The following ZNF585A variants were observed in gnomAD, a reference collection of about 807,000 sequenced individuals.
ZNF585A encodes the protein zinc finger protein 585A.
ZNF585A carries 9 observed loss-of-function variants against 14.9 expected under a neutral mutation model. That is an observed-to-expected ratio of 0.60 (90% CI 0.36 to 1.05). The LOEUF is 1.05. ZNF585A is among the 50% of genes least tolerant of loss of function. ZNF585A has a pLI of 0.01. For synonymous variants in ZNF585A, 276 were observed against 319.9 expected (o/e 0.86, Z 1.46); for missense variants, 726 against 926.4 (o/e 0.78, Z 2.81).
chr19:37,171,706 G>A (rs554218960), intron 1 of ZNF585A, among the ~76,000 whole-genome samples: 1 of 152,198 alleles, frequency 6.6e-6, no homozygotes, highest in South Asian at 2.1e-4. Context: ...TTTGAGACCA[G>A]CCTGGCCAAC....
rs1053288169 is a variant in ZNF585A, at chr19:37,153,545, A to G, written c.354T>C (p.Ser118=). The G allele has an allele frequency of 6.2e-7, 1 of 1,614,040 alleles. No individual in the cohort carries two copies. Reference sequence around the variant, plus strand: ...CCCCAGGATACATTTTTTGAGGTTGAGAGGATACTTGTTTATAACTGAGGA... The same window carrying G: ...CCCCAGGATACATTTTTTGAGGTTGGGAGGATACTTGTTTATAACTGAGGA... ...RKILSYKQVS[S]QPQKMYPGEK... is the part of the protein sequence containing the mutation. Residue 118 remains serine, a synonymous_variant, in exon 5 of 5, where the codon TCT becomes TCC. Coordinates refer to ENST00000292841, the MANE Select transcript of ZNF585A (RefSeq NM_001288800.2).
At chr19:37,163,074 C>A (rs1311477831) in intron 2 of ZNF585A, among the ~76,000 whole-genome samples, 3 of 151,938 alleles carry the variant, frequency 2.0e-5, no homozygotes, top group Non-Finnish European at 2.9e-5. Context: ...CACACTGAAC[C>A]CCCAGCCCCC....
Position 37,152,243 on chromosome 19 carries a change from G to A in ZNF585A, c.1656C>T (p.Cys552=). 6.2e-7 allele frequency: 1 copy of A among 1,613,908 alleles called. No individual in the cohort carries two copies. The highest frequency in any genetic ancestry group is 8.5e-7 in the Non-Finnish European group (1 of 1,179,962). ...KIHTGERQYE[C]HECGKAFNQK... is the part of the protein sequence containing the mutation. ...GGTTGAAGGCTTTCCCACATTCGTG[G>A]CATTCATACTGTCTCTCTCCAGTGT... Residue 552 remains cysteine (C), a synonymous_variant, in exon 5 of 5, where the codon TGC becomes TGT. Transcript: ENST00000292841.
rs983820894 is a variant in ZNF585A, at chr19:37,149,961, T to C, written c.*1628A>G. On this transcript the variant is annotated 3_prime_UTR_variant, in exon 5 of 5. Transcript: ENST00000292841. Reference sequence around the variant, plus strand: ...GAACCGCATGAAGCAATGTGGGAAATTGGGAATCAGCAGACATTGGGTTAA... The same window carrying C: ...GAACCGCATGAAGCAATGTGGGAAACTGGGAATCAGCAGACATTGGGTTAA... The C allele has an allele frequency of 2.0e-5, 3 of 151,982 alleles. No individual in the cohort carries two copies. Among genetic ancestry groups the C allele is most frequent in the East Asian group, 1.9e-4 (1 of 5,164 alleles). 9.4% of individuals were successfully genotyped at this position (151,982 alleles called of 1,614,324 possible). A position where few individuals can be genotyped will look rare whatever the true frequency, so the allele number is the denominator to read the frequency against.
rs759823202 is a variant in ZNF585A at position 37,156,369 on chromosome 19, T to C, written c.73-14A>G. On this transcript the variant is annotated splice_polypyrimidine_tract_variant and intron_variant, in intron 2 of 4. Transcript: ENST00000292841. ...GGACACTGATCCCTGTAAGGGCAAA[T>C]TCTTGTTCAATGTGCACAGTCAGCT... The C allele has an allele frequency of 2.5e-6, 4 of 1,613,972 alleles. No individual in the cohort carries two copies. The African/African-American group carries it at 5.3e-5, about 22-fold the overall frequency.
intron 2 of ZNF585A, among the ~76,000 whole-genome samples, chr19:37,166,642 C>T (rs1320266785): frequency 6.6e-6 from 1 of 152,026 alleles, no homozygotes; most frequent in African/African-American, 2.4e-5. Flanking sequence ...GATATTTACT[C>T]CATTTTTTGA....
At position 37,149,906 on chromosome 19, in the gene ZNF585A, G is replaced by A. The variant is rs1971797738; in HGVS notation, c.*1683C>T. 1 of 152,180 alleles carries A rather than the reference G, an allele frequency of 6.6e-6. No individual in the cohort carries two copies. Among genetic ancestry groups the A allele is most frequent in the African/African-American group, 2.4e-5 (1 of 41,414 alleles). 9.4% of individuals were successfully genotyped at this position (152,180 alleles called of 1,614,324 possible). A position where few individuals can be genotyped will look rare whatever the true frequency, so the allele number is the denominator to read the frequency against. The stretch of plus-strand genomic sequence containing the variant: ...ATGCAAACATGGAGATGCAATCTTG[G>A]GGGAAGTACAGTAGCCAAGGGTGAC... On this transcript the variant is annotated 3_prime_UTR_variant, in exon 5 of 5. Transcript: ENST00000292841.
At chr19:37,161,539 T>A (rs1302346008) in intron 2 of ZNF585A, among the ~76,000 whole-genome samples, 1 of 152,124 alleles carries the variant, frequency 6.6e-6, no homozygotes, top group Non-Finnish European at 1.5e-5. Flanking sequence ...CACAGATACA[T>A]GAATTTTTTT....
At chr19:37,156,621 T>C (rs889378236) in intron 2 of ZNF585A, among the ~76,000 whole-genome samples, 1 of 152,206 alleles carries the variant, frequency 6.6e-6, no homozygotes, top group Non-Finnish European at 1.5e-5. Context: ...GCCATTCTTT[T>C]ATCTATCCAT....
chr19:37,161,308 G>A (rs1349878502), intron 2 of ZNF585A, among the ~76,000 whole-genome samples: 2 of 152,074 alleles, frequency 1.3e-5, no homozygotes, highest in African/African-American at 4.8e-5. Flanking sequence ...GAATTTATGG[G>A]GGAACTCTTT....
intron 2 of ZNF585A, among the ~76,000 whole-genome samples, chr19:37,158,043 A>G (rs1360220629): frequency 6.6e-6 from 1 of 151,922 alleles, no homozygotes; most frequent in Non-Finnish European, 1.5e-5. Context: ...GCACGCCACC[A>G]CACCAGGCTA....
chr19:37,165,606 TTTC>T (rs1972080279), intron 2 of ZNF585A: 1 of 982,652 alleles, frequency 1.0e-6, no homozygotes, highest in Non-Finnish European at 1.2e-6. Context: ...AGGCTATTGT[TTTC>T]TTCTACTCTT....
chr19:37,159,312 C>T (rs957372992), intron 2 of ZNF585A, among the ~76,000 whole-genome samples: 7 of 149,690 alleles, frequency 4.7e-5, no homozygotes, highest in East Asian at 1.9e-4. Context: ...CAGGGACAAT[C>T]GGTGAAAGGG....
rs1409959408 is a variant in ZNF585A at position 37,155,910 on chromosome 19, C to T, written c.247G>A (p.Glu83Lys). The T allele has an allele frequency of 6.2e-7, 1 of 1,612,652 alleles. No homozygotes were observed. The highest frequency in any genetic ancestry group is 8.5e-7 in the Non-Finnish European group (1 of 1,180,020). ...CTCTCACCCTGCAGTGCCCATGGTTCCTTTCCTTGCTCCAACATGACCACC... is the reference window on the plus strand; with the variant it reads ...CTCTCACCCTGCAGTGCCCATGGTTTCTTTCCTTGCTCCAACATGACCACC... ...AEVVMLEQGK[E>K]PWALQGERPR... is the part of the protein sequence containing the mutation. The change falls in exon 4 of 5, where the codon GAA becomes AAA. Residue 83 changes from glutamate (E) to lysine (K), a missense_variant. Glu to Lys is a moderately conservative substitution (Grantham distance 56). This residue lies in a region of ZNF585A where 483 missense variants were observed against 542.8 expected (regional missense o/e 0.89). Coordinates refer to ENST00000292841, the MANE Select transcript of ZNF585A (RefSeq NM_001288800.2).
chr19:37,160,977 C>A (rs934664837), intron 2 of ZNF585A, among the ~76,000 whole-genome samples: 20 of 152,110 alleles, frequency 1.3e-4, no homozygotes, highest in African/African-American at 4.1e-4. Context: ...AAGCGATCCT[C>A]CTGCCTCAGC....
intron 1 of ZNF585A, 110 bp from the exon 2 acceptor site, chr19:37,170,164 A>T: frequency 2.4e-6 from 1 of 412,786 alleles, no homozygotes; most frequent in Non-Finnish European, 4.4e-6. Flanking sequence ...AGTGGTTCTC[A>T]AATGGGTATG....
At chr19:37,166,492 G>T (rs1183376836) in intron 2 of ZNF585A, among the ~76,000 whole-genome samples, 1 of 151,002 alleles carries the variant, frequency 6.6e-6, no homozygotes, top group African/African-American at 2.4e-5. Context: ...GCTAATTTTT[G>T]TAGTAGAAAC....
chr19:37,150,720 T>C lies in ZNF585A; in HGVS notation c.*869A>G, dbSNP rs1253878049. ...AAGTTACATCCTTAAGGAAGCCAGA[T>C]ACTAAGCTTCAAGTCAGTGATGAGT... On this transcript the variant is annotated 3_prime_UTR_variant, in exon 5 of 5. Coordinates refer to ENST00000292841, the MANE Select transcript of ZNF585A (RefSeq NM_001288800.2). The C allele has an allele frequency of 2.0e-5, 3 of 152,566 alleles. No homozygotes were observed. The highest frequency in any genetic ancestry group is 4.4e-5 in the Non-Finnish European group (3 of 67,900). The allele number at this position is 152,566 out of a possible 1,614,324, so 9.5% of individuals were successfully genotyped here.
intron 3 of ZNF585A, 79 bp downstream of exon 3, chr19:37,156,150 T>C (rs1458113369): frequency 5.1e-6 from 8 of 1,582,152 alleles, no homozygotes; most frequent in Non-Finnish European, 6.9e-6. Context: ...CTATTTAAGA[T>C]GCGGACAGCA....
Sources: allele counts gnomAD v4.1 joint callset (sites outside exome capture counted in the v4.1 genomes callset), GRCh38; gene constraint gnomAD v4.1.1; regional missense constraint gnomAD v4.1.1; transcripts MANE v1.5; gene names NCBI Gene and HGNC (gene_info 2026-07-23, HGNC 2026-07-21).